CPA1: variants seen among roughly 807,000 people sequenced by gnomAD.
The protein encoded by CPA1 is carboxypeptidase A1 (pancreatic).
Under a neutral mutation model 48.7 loss-of-function variants are expected in CPA1, and 42 were observed. The observed-to-expected ratio is 0.86, with a 90% CI of 0.67 to 1.11. CPA1 has a LOEUF of 1.11. Ranked by LOEUF, CPA1 falls within the 50% of genes most tolerant of loss-of-function variation. The probability of loss-of-function intolerance (pLI) is 0.00; values close to 1 mark genes in which losing one functional copy is unlikely to be tolerated. For missense variants in CPA1, 477 were observed against 544.7 expected, an observed-to-expected ratio of 0.88 and a Z score of 1.24; for synonymous variants, 203 against 217.9, an observed-to-expected ratio of 0.93 and a Z score of 0.60.
chr7:130,388,004 CCTA>C lies in CPA1; in HGVS notation c.1256_1258del (p.Tyr419del), dbSNP rs1554412271. Reference sequence around the variant, plus strand: ...ATCATGGAGCACACCCTGAATCACCCCTACTGAGCTGACCCTTTGACACCCTTC... The same window carrying C: ...ATCATGGAGCACACCCTGAATCACCCCTGAGCTGACCCTTTGACACCCTTC... On this transcript the variant is annotated inframe_deletion, in exon 10 of 10. Transcript: ENST00000011292. The C allele has an allele frequency of 6.2e-7, 1 of 1,613,994 alleles. No individual in the cohort carries two copies. The highest frequency in any genetic ancestry group is 1.7e-5 in the Admixed American group (1 of 60,010).
rs201705049 is a variant in CPA1, at chr7:130,385,141, C to G, written c.788-5C>G. The G allele has an allele frequency of 1.9e-4, 313 of 1,614,050 alleles. 1 individual carries two copies. The African/African-American group carries it at 3.1e-3, about 16-fold the overall frequency. ...CACACCGCCATGCCCTCTGTCCCCC[C>G]ACAGTGTCCGGAGCCAGCAGTAACC... On this transcript the variant is annotated splice_region_variant and splice_polypyrimidine_tract_variant and intron_variant, in intron 7 of 9. Coordinates refer to ENST00000011292, the MANE Select transcript of CPA1 (RefSeq NM_001868.4).
intron 6 of CPA1, 91 bp from the exon 7 acceptor site, chr7:130,384,445 T>G: frequency 9.0e-7 from 1 of 1,109,604 alleles, no homozygotes; most frequent in Non-Finnish European, 1.4e-6. Flanking sequence ...CAGTCCACTC[T>G]GCTCTCTGCA....
At position 130,383,729 on chromosome 7, in the gene CPA1, G is replaced by A; in HGVS notation, c.631G>A (p.Asp211Asn). 4 of 1,614,154 alleles carry A rather than the reference G, an allele frequency of 2.5e-6. No individual in the cohort carries two copies. The highest frequency in any genetic ancestry group is 2.7e-5 in the African/African-American group (2 of 75,048). The part of the protein sequence containing the change: ...GQDAAFTAIL[D>N]TLDIFLEIVT... ...GGATGCAGCTTTCACCGCCATTCTC[G>A]ACACCTTGGACATCTTCCTGGAGAT... is the stretch of plus-strand genomic sequence containing the variant. The change falls in exon 6 of 10, where the codon GAC (aspartate) becomes AAC (asparagine). Residue 211 changes from aspartate to asparagine, a missense_variant. Coordinates refer to ENST00000011292, the MANE Select transcript of CPA1 (RefSeq NM_001868.4).
rs537076438 is a variant in CPA1, at chr7:130,381,811, G to A, written c.329G>A (p.Arg110Gln). The A allele has an allele frequency of 6.8e-6, 11 of 1,614,092 alleles. No homozygotes were observed. Among genetic ancestry groups the A allele is most frequent in the East Asian group, 2.2e-5 (1 of 44,868 alleles). ...EQEQMFAFRS[R>Q]ARSTDTFNYA... ...GAGCAGATGTTCGCCTTCCGGTCCC[G>A]GGCGCGCTCCACCGACACTTTTAAC... Residue 110 changes from arginine to glutamine, a missense_variant, in exon 3 of 10, where the codon CGG (arginine) becomes CAG (glutamine). By Grantham distance (43) the Arg-to-Gln change is conservative. Transcript: ENST00000011292.
chr7:130,383,347 C>T (rs1554411475), intron 4 of CPA1, 44 bp from the exon 5 acceptor site: 2 of 1,535,366 alleles, frequency 1.3e-6, no homozygotes, highest in Admixed American at 1.7e-5. Context: ...GATGAGGCCT[C>T]AGCTGTGAAA....
intron 2 of CPA1, 51 bp downstream of exon 2, chr7:130,381,230 C>A: frequency 7.2e-7 from 1 of 1,380,858 alleles, no homozygotes; most frequent in Non-Finnish European, 1.0e-6. Flanking sequence ...TCAGCTGGGG[C>A]CACCCCAGGT....
chr7:130,382,221 A>AT lies in CPA1; in HGVS notation c.483+13dup. ...TTTACGTGCTGAAGGTAACATCCACATGTGGACATACACAGGGGAGAATGG... is the reference window on the plus strand; with the variant it reads ...TTTACGTGCTGAAGGTAACATCCACATTGTGGACATACACAGGGGAGAATGG... On this transcript the variant is annotated intron_variant, in intron 4 of 9. Coordinates refer to ENST00000011292, the MANE Select transcript of CPA1 (RefSeq NM_001868.4). 6.2e-7 allele frequency: 1 copy of AT among 1,602,432 alleles called. No homozygotes were observed. The highest frequency in any genetic ancestry group is 1.1e-5 in the South Asian group (1 of 90,828).
chr7:130,384,602 A>G lies in CPA1; in HGVS notation c.763A>G (p.Arg255Gly), dbSNP rs782085292. Residue 255 changes from arginine (R) to glycine (G), a missense_variant, in exon 7 of 10, where the codon AGG (arginine) becomes GGG (glycine). Transcript: ENST00000011292. ...CCTCTGTATTGGCGTGGACCCCAAC[A>G]GGAACTGGGACGCTGGCTTTGGGTG... ...GSLCIGVDPN[R>G]NWDAGFGLSG... 40 of 1,614,024 alleles carry G rather than the reference A, an allele frequency of 2.5e-5. No individual in the cohort carries two copies. In the South Asian group the frequency reaches 4.2e-4, roughly 17 times the overall value.
chr7:130,384,493 G>A (rs541961514), intron 6 of CPA1, 43 bp from the exon 7 acceptor site: 91 of 1,562,980 alleles, frequency 5.8e-5, no homozygotes, highest in South Asian at 5.4e-4. Context: ...TGTGACAAGC[G>A]TCACACGTGC....
chr7:130,381,872 G>T lies in CPA1; in HGVS notation c.381+9G>T. On this transcript the variant is annotated intron_variant, in intron 3 of 9. Coordinates refer to ENST00000011292, the MANE Select transcript of CPA1 (RefSeq NM_001868.4). ...ACCACACCCTGGAGGAGGTGAGGGC[G>T]CCCCTAGCGGCCGCTCCCTGCAGCC... 2 of 1,607,256 alleles carry T rather than the reference G, an allele frequency of 1.2e-6. No individual in the cohort carries two copies. Among genetic ancestry groups the T allele is most frequent in the South Asian group, 1.1e-5 (1 of 90,698 alleles).
In CPA1 at chr7:130,381,845, C is replaced by A; in HGVS notation, c.363C>A (p.Thr121=). The change falls in exon 3 of 10, where the codon ACC becomes ACA. Residue 121 remains threonine (T), a synonymous_variant. Coordinates refer to ENST00000011292, the MANE Select transcript of CPA1 (RefSeq NM_001868.4). Reference sequence around the variant, plus strand: ...CCACCGACACTTTTAACTACGCCACCTACCACACCCTGGAGGAGGTGAGGG... The same window carrying A: ...CCACCGACACTTTTAACTACGCCACATACCACACCCTGGAGGAGGTGAGGG... ...ARSTDTFNYA[T]YHTLEEIYDF... is the part of the protein sequence containing the mutation. The A allele has an allele frequency of 6.2e-7, 1 of 1,613,906 alleles. No individual in the cohort carries two copies. Among genetic ancestry groups the A allele is most frequent in the South Asian group, 1.1e-5 (1 of 91,080 alleles).
intron 4 of CPA1, among the ~76,000 whole-genome samples, chr7:130,382,837 G>T (rs918847424): frequency 1.3e-5 from 2 of 151,244 alleles, no homozygotes; most frequent in Admixed American, 6.6e-5. Context: ...CAGAGACAGG[G>T]TTTCACCGTA....
chr7:130,385,339 T>A lies in CPA1; in HGVS notation c.981T>A (p.Asp327Glu). The change falls in exon 8 of 10, where the codon GAT becomes GAA. Residue 327 changes from aspartate to glutamate, a missense_variant. Asp to Glu is a conservative substitution (Grantham distance 45). Coordinates refer to ENST00000011292, the MANE Select transcript of CPA1 (RefSeq NM_001868.4). ...AAACAGAACCAGTCCCTGACCAGGA[T>A]GAGCTGGTAGGCACTGACCTCGGCT... is the stretch of plus-strand genomic sequence containing the variant. ...GYKTEPVPDQ[D>E]ELDQLSKAAV... 6.2e-7 allele frequency: 1 copy of A among 1,614,060 alleles called. No homozygotes were observed. The highest frequency in any genetic ancestry group is 1.1e-5 in the South Asian group (1 of 91,076).
Position 130,385,198 on chromosome 7 carries a change from C to G in CPA1, c.840C>G (p.Ala280=). 1 of 1,614,228 alleles carries G rather than the reference C, an allele frequency of 6.2e-7. No homozygotes were observed. The highest frequency in any genetic ancestry group is 8.5e-7 in the Non-Finnish European group (1 of 1,180,046). ...CGGAGACTTACCACGGCAAGTTTGC[C>G]AATTCCGAAGTGGAGGTCAAGTCCA... ...PCSETYHGKF[A]NSEVEVKSIV... The change falls in exon 8 of 10, where the codon GCC becomes GCG. Residue 280 remains alanine (A), a synonymous_variant. Transcript: ENST00000011292.
At position 130,387,993 on chromosome 7, in the gene CPA1, C is replaced by T. The variant is rs1554412265; in HGVS notation, c.1242C>T (p.Thr414=). 6.2e-7 allele frequency: 1 copy of T among 1,614,098 alleles called. No homozygotes were observed. Among genetic ancestry groups the T allele is most frequent in the South Asian group, 1.1e-5 (1 of 91,068 alleles). Residue 414 remains threonine (T), a synonymous_variant, in exon 10 of 10, where the codon ACC becomes ACT. Transcript: ENST00000011292. The surrounding 1 kb of genome is among the most constrained non-coding windows in gnomAD (Gnocchi z 4.6). ...WLALLTIMEH[T]LNHPY is the part of the protein sequence containing the mutation. ...CGCTTCTGACCATCATGGAGCACAC[C>T]CTGAATCACCCCTACTGAGCTGACC... is the stretch of plus-strand genomic sequence containing the variant.
chr7:130,387,735 G>A lies in CPA1; in HGVS notation c.1073-89G>A, dbSNP rs1221974210. 12 of 1,210,792 alleles carry A rather than the reference G, an allele frequency of 9.9e-6. No individual in the cohort carries two copies. The highest frequency in any genetic ancestry group is 2.7e-5 in the South Asian group (2 of 74,122). 75.0% of individuals were successfully genotyped at this position (1,210,792 alleles called of 1,614,324 possible). On this transcript the variant is annotated intron_variant, in intron 9 of 9. Transcript: ENST00000011292. The surrounding 1 kb of genome is among the most constrained non-coding windows in gnomAD (Gnocchi z 4.6). Reference sequence around the variant, plus strand: ...CACTCAGCATTGCACAAGGCACAGAGCTTTGGACAGGGTTGGATCGTTAAC... The same window carrying A: ...CACTCAGCATTGCACAAGGCACAGAACTTTGGACAGGGTTGGATCGTTAAC...
At position 130,381,136 on chromosome 7, in the gene CPA1, A is replaced by G; in HGVS notation, c.104A>G (p.Gln35Arg). 1 of 1,613,598 alleles carries G rather than the reference A, an allele frequency of 6.2e-7. No individual in the cohort carries two copies. Among genetic ancestry groups the G allele is most frequent in the African/African-American group, 1.3e-5 (1 of 74,994 alleles). ...VLRISVADEA[Q>R]VQKVKELEDL... ...CGAATCTCTGTAGCCGATGAGGCCCAGGTACAGAAGGTGAAGGAGCTGGAG... is the reference window on the plus strand; with the variant it reads ...CGAATCTCTGTAGCCGATGAGGCCCGGGTACAGAAGGTGAAGGAGCTGGAG... Residue 35 changes from glutamine to arginine, a missense_variant, in exon 2 of 10, where the codon CAG becomes CGG. By Grantham distance (43) the Gln-to-Arg change is conservative. Coordinates refer to ENST00000011292, the MANE Select transcript of CPA1 (RefSeq NM_001868.4).
intron 9 of CPA1, 45 bp downstream of exon 9, chr7:130,385,968 C>T (rs1796469673): frequency 6.6e-7 from 1 of 1,513,080 alleles, no homozygotes; most frequent in African/African-American, 1.4e-5. Context: ...CGAGGAACAT[C>T]TGCTGGCTCT....
rs1031814828 is a variant in CPA1 at position 130,387,376 on chromosome 7, C to T, written c.1073-448C>T. On this transcript the variant is annotated intron_variant, in intron 9 of 9. Coordinates refer to ENST00000011292, the MANE Select transcript of CPA1 (RefSeq NM_001868.4). This position sits in a 1 kb window ranked among gnomAD's most constrained non-coding sequence, Gnocchi z 4.6. ...TTACCCACTGTTAATTACAGTTTCC[C>T]GGGCAAAGTTTCCTCCTAAAAGAAA... is the stretch of plus-strand genomic sequence containing the variant. 2.0e-5 allele frequency among the ~76,000 whole-genome samples: 3 copies of T among 152,188 alleles called. No individual in the cohort carries two copies. Among genetic ancestry groups the T allele is most frequent in the East Asian group, 1.9e-4 (1 of 5,198 alleles).
Sources: allele counts gnomAD v4.1 joint callset (sites outside exome capture counted in the v4.1 genomes callset), GRCh38; gene constraint gnomAD v4.1.1; non-coding constraint Gnocchi (gnomAD v3.1); transcripts MANE v1.5; gene names NCBI Gene and HGNC (gene_info 2026-07-23, HGNC 2026-07-21).